The following MMP11 variants were observed in gnomAD, a reference collection of about 807,000 sequenced individuals.
MMP11 encodes matrix metallopeptidase 11.
Under a neutral mutation model 49.5 loss-of-function variants are expected in MMP11, and 26 were observed. The observed-to-expected ratio is 0.52, with a 90% CI of 0.38 to 0.73. The LOEUF is 0.73. Ranked by LOEUF, MMP11 falls within the 30% of genes least tolerant of loss-of-function variation. The probability of loss-of-function intolerance (pLI) is 0.00; values close to 1 mark genes in which losing one functional copy is unlikely to be tolerated. For missense variants in MMP11, 624 were observed against 671.2 expected, an observed-to-expected ratio of 0.93 and a Z score of 0.78; for synonymous variants, 265 against 282.3, an observed-to-expected ratio of 0.94 and a Z score of 0.62.
Position 23,782,273 on chromosome 22 carries a change from G to A in MMP11, c.1123G>A (p.Ala375Thr), listed in dbSNP as rs750098875. 1.2e-4 allele frequency: 201 copies of A among 1,613,564 alleles called. No individual in the cohort carries two copies. Among genetic ancestry groups the A allele is most frequent in the Non-Finnish European group, 1.6e-4 (183 of 1,179,990 alleles). Residue 375 changes from alanine (A) to threonine (T), a missense_variant, in exon 7 of 8, where the codon GCA becomes ACA. Coordinates refer to ENST00000215743, the MANE Select transcript of MMP11 (RefSeq NM_005940.5). ...CGGTGAAAAGCCAGTCCTGGGCCCC[G>A]CACCCCTCACCGAGCTGGGCCTGGT... ...YDGEKPVLGP[A>T]PLTELGLVRF...
At chr22:23,777,904 C>T (rs1277724380) in intron 1 of MMP11, 1 of 152,292 alleles carries the variant, frequency 6.6e-6, no homozygotes, top group Non-Finnish European at 1.5e-5. Flanking sequence ...AGAAGGCCCC[C>T]CTTCATGGTG....
chr22:23,783,822 C>CT lies in MMP11; in HGVS notation c.*279dup. On this transcript the variant is annotated 3_prime_UTR_variant, in exon 8 of 8. Coordinates refer to ENST00000215743, the MANE Select transcript of MMP11 (RefSeq NM_005940.5). The stretch of plus-strand genomic sequence containing the variant: ...GCCCGCTATGCAGGTCCTGGCAAAC[C>CT]TGGCTGCCCTGTCTCCATCCCTGTC... 2.0e-6 allele frequency: 1 copy of CT among 501,208 alleles called. No individual in the cohort carries two copies. Among genetic ancestry groups the CT allele is most frequent in the East Asian group, 3.5e-5 (1 of 28,302 alleles). 31.0% of individuals were successfully genotyped at this position (501,208 alleles called of 1,614,324 possible).
intron 1 of MMP11, among the ~76,000 whole-genome samples, chr22:23,776,631 A>T (rs1344531813): frequency 6.6e-6 from 1 of 152,126 alleles, no homozygotes; most frequent in Non-Finnish European, 1.5e-5. Flanking sequence ...CTGTGAGCAC[A>T]GACAGTCCGC....
chr22:23,778,652 G>T (rs1309552185), intron 1 of MMP11, among the ~76,000 whole-genome samples: 1 of 152,188 alleles, frequency 6.6e-6, no homozygotes, highest in Non-Finnish European at 1.5e-5. Context: ...CACACTGCAG[G>T]GCTACAGCCG....
At chr22:23,781,450 GC>G in intron 6 of MMP11, 41 bp downstream of exon 6, 1 of 1,531,094 alleles carries the variant, frequency 6.5e-7, no homozygotes, top group Non-Finnish European at 8.9e-7. Context: ...ACTTCCCAGA[GC>G]CAGGAATGTT....
chr22:23,772,905 C>T lies in MMP11; in HGVS notation c.35C>T (p.Ala12Val). The T allele has an allele frequency of 8.5e-7, 1 of 1,174,270 alleles. No homozygotes were observed. Among genetic ancestry groups the T allele is most frequent in the Non-Finnish European group, 1.1e-6 (1 of 950,938 alleles). 72.7% of individuals were successfully genotyped at this position (1,174,270 alleles called of 1,614,324 possible). The change falls in exon 1 of 8, where the codon GCG becomes GTG. Residue 12 changes from alanine to valine, a missense_variant. Ala to Val is a moderately conservative substitution (Grantham distance 64, BLOSUM62 0). Coordinates refer to ENST00000215743, the MANE Select transcript of MMP11 (RefSeq NM_005940.5). ...GCCGCCTGGCTCCGCAGCGCGGCCG[C>T]GCGCGCCCTCCTGCCCCCGATGCTG... ...APAAWLRSAAARALLPPMLLL... is the reference protein window; with the variant it reads ...APAAWLRSAAVRALLPPMLLL...
Position 23,777,965 on chromosome 22 carries a change from C to T in MMP11, c.109-1222C>T, listed in dbSNP as rs139043367. Among the ~76,000 whole-genome samples, 10 of 152,290 alleles carry T rather than the reference C, an allele frequency of 6.6e-5. No individual in the cohort carries two copies. The East Asian group carries it at 1.4e-3, about 21-fold the overall frequency. On this transcript the variant is annotated intron_variant, in intron 1 of 7. Transcript: ENST00000215743. The stretch of plus-strand genomic sequence containing the variant: ...GGATCAGGAGCAGGGAGCGTTGGGA[C>T]GCTGATCAGATCCCTGGGGTGTATG...
At chr22:23,778,064 T>C (rs1248531647) in intron 1 of MMP11, among the ~76,000 whole-genome samples, 1 of 152,182 alleles carries the variant, frequency 6.6e-6, no homozygotes, top group Non-Finnish European at 1.5e-5. Context: ...CAAATATGGC[T>C]GTGAGGAGGC....
At chr22:23,775,070 CAG>C (rs1018493009) in intron 1 of MMP11, among the ~76,000 whole-genome samples, 2 of 152,184 alleles carry the variant, frequency 1.3e-5, no homozygotes, top group Admixed American at 1.3e-4. Flanking sequence ...CTGGCCAAGA[CAG>C]AGGGAATGCA....
chr22:23,779,208 G>T lies in MMP11; in HGVS notation c.130G>T (p.Glu44Ter). ...LPPDAHHLHAERRGPQPWHAA... is the reference protein window; with the variant it reads ...LPPDAHHLHA ...CTAGGACGCCCACCACCTCCATGCC[G>T]AGAGGAGGGGGCCACAGCCCTGGCA... is the stretch of plus-strand genomic sequence containing the variant. Residue 44 changes from glutamate to a stop codon, truncating the protein, a stop_gained, in exon 2 of 8, where the codon GAG (glutamate) becomes TAG (stop). Coordinates refer to ENST00000215743, the MANE Select transcript of MMP11 (RefSeq NM_005940.5). LOFTEE classifies it high-confidence loss of function. 6.2e-7 allele frequency: 1 copy of T among 1,603,318 alleles called. No individual in the cohort carries two copies. Among genetic ancestry groups the T allele is most frequent in the African/African-American group, 1.3e-5 (1 of 74,894 alleles).
In MMP11 at chr22:23,780,272, C is replaced by A; in HGVS notation, c.339-87C>A. 2 of 1,552,672 alleles carry A rather than the reference C, an allele frequency of 1.3e-6. No homozygotes were observed. The highest frequency in any genetic ancestry group is 1.8e-6 in the Non-Finnish European group (2 of 1,137,240). ...CCTGTGTCCTGAGTGTTCACACACCCACCAAGCATCCAGGGGCAACTCCTG... is the reference window on the plus strand; with the variant it reads ...CCTGTGTCCTGAGTGTTCACACACCAACCAAGCATCCAGGGGCAACTCCTG... On this transcript the variant is annotated intron_variant, in intron 2 of 7. Transcript: ENST00000215743. The surrounding 1 kb of genome is among the most constrained non-coding windows in gnomAD (Gnocchi z 4.6).
At chr22:23,774,538 G>A (rs909865825) in intron 1 of MMP11, among the ~76,000 whole-genome samples, 2 of 152,110 alleles carry the variant, frequency 1.3e-5, no homozygotes, top group South Asian at 2.1e-4. Context: ...CGAAGCTACC[G>A]TCCCTCCTGG....
chr22:23,783,897 G>C lies in MMP11; in HGVS notation c.*353G>C. 3.4e-6 allele frequency: 1 copy of C among 292,646 alleles called. No homozygotes were observed. Among genetic ancestry groups the C allele is most frequent in the Non-Finnish European group, 6.8e-6 (1 of 148,050 alleles). 18.1% of individuals were successfully genotyped at this position (292,646 alleles called of 1,614,324 possible). A position where few individuals can be genotyped will look rare whatever the true frequency, so the allele number is the denominator to read the frequency against. ...CTGGGGGAACTGGAGTGTCCTTGCT[G>C]TATCCCTGTTGTGAGGTTCCTTCCA... On this transcript the variant is annotated 3_prime_UTR_variant, in exon 8 of 8. Coordinates refer to ENST00000215743, the MANE Select transcript of MMP11 (RefSeq NM_005940.5).
At chr22:23,778,678 G>A (rs1043810129) in intron 1 of MMP11, among the ~76,000 whole-genome samples, 2 of 152,242 alleles carry the variant, frequency 1.3e-5, no homozygotes, top group Non-Finnish European at 2.9e-5. Context: ...CACTGGGGAG[G>A]AGGTGGGGGA....
chr22:23,780,371 C>T lies in MMP11; in HGVS notation c.351C>T (p.Phe117=). The part of the protein sequence containing the change: ...KTDLTYRILR[F]PWQLVQEQVR... ...CATCTCCCTCCAGGATCCTTCGGTT[C>T]CCATGGCAGTTGGTGCAGGAGCAGG... The change falls in exon 3 of 8, where the codon TTC becomes TTT. Residue 117 remains phenylalanine (F), a synonymous_variant. Coordinates refer to ENST00000215743, the MANE Select transcript of MMP11 (RefSeq NM_005940.5). The surrounding 1 kb of genome is among the most constrained non-coding windows in gnomAD (Gnocchi z 4.6). The T allele has an allele frequency of 6.2e-7, 1 of 1,613,102 alleles. No individual in the cohort carries two copies. Among genetic ancestry groups the T allele is most frequent in the Non-Finnish European group, 8.5e-7 (1 of 1,180,026 alleles).
chr22:23,782,037 C>T (rs2145943631), intron 6 of MMP11, 189 bp from the exon 7 acceptor site: 1 of 822,848 alleles, frequency 1.2e-6, no homozygotes, highest in South Asian at 1.6e-5. Flanking sequence ...GCATTCACTG[C>T]CCCAGCTTAT....
At position 23,780,099 on chromosome 22, in the gene MMP11, A is replaced by G. The variant is rs1288554203; in HGVS notation, c.339-260A>G. ...CACAGTAAGTGGCACTGTCAGGTCT[A>G]GGATGGGGGTCTCGGGACCCCTGGT... On this transcript the variant is annotated intron_variant, in intron 2 of 7. Coordinates refer to ENST00000215743, the MANE Select transcript of MMP11 (RefSeq NM_005940.5). This position sits in a 1 kb window ranked among gnomAD's most constrained non-coding sequence, Gnocchi z 4.6. 1.8e-6 allele frequency: 1 copy of G among 545,704 alleles called. No individual in the cohort carries two copies. Among genetic ancestry groups the G allele is most frequent in the Non-Finnish European group, 3.3e-6 (1 of 304,172 alleles). 33.8% of individuals were successfully genotyped at this position (545,704 alleles called of 1,614,324 possible).
In MMP11 at chr22:23,784,150, G is replaced by A. The variant is rs1342318062; in HGVS notation, c.*606G>A. 1 of 158,544 alleles carries A rather than the reference G, an allele frequency of 6.3e-6. No homozygotes were observed. Among genetic ancestry groups the A allele is most frequent in the Non-Finnish European group, 1.4e-5 (1 of 70,964 alleles). The allele number at this position is 158,544 out of a possible 1,614,324, so 9.8% of individuals were successfully genotyped here. On this transcript the variant is annotated 3_prime_UTR_variant, in exon 8 of 8. Coordinates refer to ENST00000215743, the MANE Select transcript of MMP11 (RefSeq NM_005940.5). ...CATGCAGGAGACCCCAGGCCCTGGA[G>A]GCTGCAACATACCTCAATCCTGTCC... is the stretch of plus-strand genomic sequence containing the variant.
intron 1 of MMP11, among the ~76,000 whole-genome samples, chr22:23,776,358 G>A (rs1484009832): frequency 6.6e-6 from 1 of 152,198 alleles, no homozygotes; most frequent in East Asian, 1.9e-4. Flanking sequence ...TCTCCTGTAA[G>A]TCAAGGGGGC....
Sources: gnomAD v4.1 joint callset for allele counts (sites outside exome capture counted in the v4.1 genomes callset) on GRCh38, gnomAD v4.1.1 for gene constraint, Gnocchi (gnomAD v3.1) non-coding constraint, MANE v1.5 for transcripts, NCBI Gene and HGNC (gene_info 2026-07-23, HGNC 2026-07-21) for gene names.